The following EPHB2 variants were observed in gnomAD, a reference collection of about 807,000 sequenced individuals.
EPHB2 encodes the protein EPH receptor B2, also known as ephrin type-B receptor 2.
Under a neutral mutation model 96.4 loss-of-function variants are expected in EPHB2, and 18 were observed. The observed-to-expected ratio is 0.19, with a 90% CI of 0.13 to 0.28. EPHB2 has a LOEUF of 0.28. Ranked by LOEUF, EPHB2 falls within the 10% of genes least tolerant of loss-of-function variation. The pLI is 1.00. For synonymous variants in EPHB2, 506 were observed against 534.1 expected, an observed-to-expected ratio of 0.95 and a Z score of 0.72; for missense variants, 989 against 1,355.4, an observed-to-expected ratio of 0.73 and a Z score of 4.25.
In EPHB2 at chr1:22,907,979, C is replaced by T. The variant is rs1265083012; in HGVS notation, c.2163C>T (p.Ile721=). The T allele has an allele frequency of 1.9e-6, 3 of 1,614,134 alleles. No homozygotes were observed. In the African/African-American group the frequency reaches 4.0e-5, roughly 22 times the overall value. Reference sequence around the variant, plus strand: ...AAAACGATGGGCAGTTCACAGTCATCCAGCTGGTGGGCATGCTTCGGGGCA... The same window carrying T: ...AAAACGATGGGCAGTTCACAGTCATTCAGCTGGTGGGCATGCTTCGGGGCA... The part of the protein sequence containing the change: ...LRQNDGQFTV[I]QLVGMLRGIA... The change falls in exon 12 of 16, where the codon ATC becomes ATT. Residue 721 remains isoleucine, a synonymous_variant. Transcript: ENST00000374630.
intron 3 of EPHB2, among the ~76,000 whole-genome samples, chr1:22,803,657 A>ATG (rs947163939): frequency 3.4e-4 from 4 of 11,788 alleles, no homozygotes; most frequent in African/African-American, 7.4e-4. Context: ...ATATATATAT[A>ATG]TGTGTATATA....
chr1:22,878,545 A>G (rs1010295851), intron 5 of EPHB2, among the ~76,000 whole-genome samples: 9 of 152,242 alleles, frequency 5.9e-5, no homozygotes, highest in Admixed American at 5.2e-4. Context: ...AGAATTCTTC[A>G]CAATGTCTCC....
intron 1 of EPHB2, among the ~76,000 whole-genome samples, chr1:22,753,805 A>C (rs902238458): frequency 6.6e-6 from 1 of 150,816 alleles, no homozygotes; most frequent in Non-Finnish European, 1.5e-5. Context: ...CCCAGTATTT[A>C]TCTAAACCCT....
intron 3 of EPHB2, among the ~76,000 whole-genome samples, chr1:22,824,751 G>A (rs762077212): frequency 5.3e-5 from 8 of 152,206 alleles, no homozygotes; most frequent in South Asian, 2.1e-4. Context: ...AATTAGTCTC[G>A]CGCTAATCTG....
At chr1:22,773,772 C>T (rs1381061826) in intron 1 of EPHB2, among the ~76,000 whole-genome samples, 1 of 152,168 alleles carries the variant, frequency 6.6e-6, no homozygotes. Flanking sequence ...CCTGTGCTAC[C>T]ATCTCCTTCT....
chr1:22,711,371 C>G (rs1432340774), intron 1 of EPHB2, among the ~76,000 whole-genome samples: 1 of 148,510 alleles, frequency 6.7e-6, no homozygotes, highest in Non-Finnish European at 1.5e-5. Context: ...CGCCTCGCGC[C>G]GGCCTGGTCT....
At chr1:22,726,425 T>C (rs1643583433) in intron 1 of EPHB2, among the ~76,000 whole-genome samples, 1 of 143,628 alleles carries the variant, frequency 7.0e-6, no homozygotes, top group Non-Finnish European at 1.5e-5. Flanking sequence ...TTTTTTTTTC[T>C]TTTTTTTTTT....
intron 1 of EPHB2, among the ~76,000 whole-genome samples, chr1:22,716,528 G>A (rs187889042): frequency 5.1e-4 from 78 of 152,182 alleles, no homozygotes; most frequent in African/African-American, 1.8e-3. Context: ...GAGACGGGGC[G>A]GGGGTTCACC....
At chr1:22,782,671 A>G (rs926860616) in intron 2 of EPHB2, among the ~76,000 whole-genome samples, 3 of 152,162 alleles carry the variant, frequency 2.0e-5, no homozygotes, top group Non-Finnish European at 4.4e-5. Flanking sequence ...TTAATTAGAG[A>G]GAGGGGAGAA....
intron 3 of EPHB2, among the ~76,000 whole-genome samples, chr1:22,791,913 A>C (rs970247587): frequency 6.6e-6 from 1 of 152,120 alleles, no homozygotes; most frequent in African/African-American, 2.4e-5. Context: ...GCTTTTGACA[A>C]ACATTGCCAA....
In EPHB2 at chr1:22,895,396, T is replaced by C. The variant is rs912138105; in HGVS notation, c.1592-76T>C. On this transcript the variant is annotated intron_variant, in intron 7 of 15. Transcript: ENST00000374630. ...AGGGATCCCAGGAGACCCAGCAGCA[T>C]GGCAGGGGGTAGGGGACAAGGGTAT... 1.0e-5 allele frequency: 14 copies of C among 1,386,654 alleles called. No individual in the cohort carries two copies. In the Admixed American group the frequency reaches 1.5e-4, roughly 15 times the overall value. The allele number at this position is 1,386,654 out of a possible 1,614,324, so 85.9% of individuals were successfully genotyped here. A position where few individuals can be genotyped will look rare whatever the true frequency, so the allele number is the denominator to read the frequency against.
intron 3 of EPHB2, among the ~76,000 whole-genome samples, chr1:22,805,758 G>A (rs1471070922): frequency 6.6e-6 from 1 of 152,236 alleles, no homozygotes; most frequent in African/African-American, 2.4e-5. Flanking sequence ...TTGGGAGGGA[G>A]AGGGAGCTCA....
intron 1 of EPHB2, among the ~76,000 whole-genome samples, chr1:22,712,806 A>G (rs957269462): frequency 5.9e-5 from 9 of 152,188 alleles, no homozygotes; most frequent in African/African-American, 2.2e-4. Context: ...CTTTGGGGAA[A>G]TGACTCATGC....
chr1:22,774,508 G>A (rs1644420396), intron 1 of EPHB2: 4 of 917,258 alleles, frequency 4.4e-6, no homozygotes, highest in Non-Finnish European at 5.2e-6. Context: ...AAGCAAGAAG[G>A]GCCAGGCGTT....
chr1:22,756,923 A>G (rs1378732884), intron 1 of EPHB2, among the ~76,000 whole-genome samples: 1 of 152,214 alleles, frequency 6.6e-6, no homozygotes, highest in Non-Finnish European at 1.5e-5. Context: ...CAACTTTGAA[A>G]GGAATAAATA....
intron 3 of EPHB2, among the ~76,000 whole-genome samples, chr1:22,812,401 AAATT>A (rs560494254): frequency 1.0e-3 from 153 of 152,364 alleles, no homozygotes; most frequent in African/African-American, 3.5e-3. Context: ...TTTTGTAAGA[AAATT>A]AATAAGAAAC....
At chr1:22,787,712 C>T (rs1315459592) in intron 3 of EPHB2, among the ~76,000 whole-genome samples, 1 of 152,202 alleles carries the variant, frequency 6.6e-6, no homozygotes, top group Non-Finnish European at 1.5e-5. Flanking sequence ...CACTGCACTC[C>T]AGCCTGGGTG....
intron 3 of EPHB2, among the ~76,000 whole-genome samples, chr1:22,829,650 C>T: frequency 6.6e-6 from 1 of 152,160 alleles, no homozygotes; most frequent in East Asian, 1.9e-4. Context: ...TCAAGACAGC[C>T]CCCTGCTCTA....
intron 1 of EPHB2, among the ~76,000 whole-genome samples, chr1:22,752,079 C>A (rs1644072307): frequency 6.6e-6 from 1 of 152,200 alleles, no homozygotes; most frequent in African/African-American, 2.4e-5. Flanking sequence ...TTCATCTGTC[C>A]AGTGAAACCA....
Sources: gnomAD v4.1 joint callset for allele counts (sites outside exome capture counted in the v4.1 genomes callset) on GRCh38, gnomAD v4.1.1 for gene constraint, MANE v1.5 for transcripts, NCBI Gene and HGNC (gene_info 2026-07-23, HGNC 2026-07-21) for gene names.